TNS3: variants seen among roughly 807,000 people sequenced by gnomAD.
The protein encoded by TNS3 is tensin-3.
TNS3 carries 45 observed loss-of-function variants against 140.9 expected under a neutral mutation model. The observed-to-expected ratio is 0.32, with a 90% confidence interval of 0.25 to 0.41. The LOEUF is 0.41. Among genes scored for constraint, TNS3 ranks in the 10% least tolerant of loss-of-function variants. The probability of loss-of-function intolerance (pLI) is 1.00; values close to 1 mark genes in which losing one functional copy is unlikely to be tolerated. For missense variants in TNS3, 1,716 were observed against 1,906.7 expected (o/e 0.90, Z 1.86); for synonymous variants, 815 against 788.4 (o/e 1.03, Z -0.56).
intron 1 of TNS3, among the ~76,000 whole-genome samples, chr7:47,543,595 C>T (rs558698913): frequency 5.3e-4 from 81 of 152,366 alleles, no homozygotes; most frequent in Non-Finnish European, 9.3e-4. Flanking sequence ...GCTGGAGTTA[C>T]CCACTCGGGT....
Position 47,439,553 on chromosome 7 carries a change from C to A in TNS3, c.84G>T (p.Glu28Asp), listed in dbSNP as rs576630315. ...CCTCCTGTAGGTTGTGCAGGTAGGACTCCTCAGAGCAGCCGGCAGGGAAGG... is the reference window on the plus strand; with the variant it reads ...CCTCCTGTAGGTTGTGCAGGTAGGAATCCTCAGAGCAGCCGGCAGGGAAGG... ...AVSFPAGCSE[E>D]SYLHNLQEVT... The change falls in exon 6 of 31, where the codon GAG becomes GAT. Residue 28 changes from glutamate to aspartate, a missense_variant. Physicochemically the swap from Glu to Asp is conservative, Grantham distance 45. This residue lies in a region of TNS3 where 337 missense variants were observed against 428.9 expected (regional missense o/e 0.79). Coordinates refer to ENST00000311160, the MANE Select transcript of TNS3 (RefSeq NM_022748.12). 1 of 1,614,092 alleles carries A rather than the reference C, an allele frequency of 6.2e-7. No individual in the cohort carries two copies. The highest frequency in any genetic ancestry group is 1.7e-5 in the Admixed American group (1 of 60,016).
chr7:47,453,842 G>A (rs890405380), intron 4 of TNS3, among the ~76,000 whole-genome samples: 1 of 152,208 alleles, frequency 6.6e-6, no homozygotes, highest in Non-Finnish European at 1.5e-5. Context: ...GAGCTAAGAG[G>A]AAGGGTGGCC....
intron 17 of TNS3, among the ~76,000 whole-genome samples, chr7:47,353,724 C>A (rs1789816670): frequency 6.6e-6 from 1 of 152,160 alleles, no homozygotes; most frequent in African/African-American, 2.4e-5. Context: ...TGTCCCCTAG[C>A]CTCCCTCCTA....
intron 20 of TNS3, among the ~76,000 whole-genome samples, chr7:47,329,009 T>A (rs545140144): frequency 6.6e-6 from 1 of 152,192 alleles, no homozygotes; most frequent in Admixed American, 6.5e-5. Context: ...AAAACTCCTA[T>A]ACATTCTACA....
intron 8 of TNS3, among the ~76,000 whole-genome samples, chr7:47,431,399 C>T (rs1354761176): frequency 6.6e-6 from 1 of 152,046 alleles, no homozygotes; most frequent in Non-Finnish European, 1.5e-5. Context: ...TCAAGACCTT[C>T]CTGGCCAACA....
At position 47,277,353 on chromosome 7, in the gene TNS3, C is replaced by T. The variant is rs1294747092; in HGVS notation, c.*723G>A. 1 of 152,384 alleles carries T rather than the reference C, an allele frequency of 6.6e-6. No homozygotes were observed. Among genetic ancestry groups the T allele is most frequent in the South Asian group, 2.1e-4 (1 of 4,828 alleles). The allele number at this position is 152,384 out of a possible 1,614,324, so 9.4% of individuals were successfully genotyped here. On this transcript the variant is annotated 3_prime_UTR_variant, in exon 31 of 31. Coordinates refer to ENST00000311160, the MANE Select transcript of TNS3 (RefSeq NM_022748.12). ...CCTCTCGGTCCTCACAGGCTCTCCC[C>T]AGCCCAGCTCGCCCAGCTCGCCCAG...
intron 8 of TNS3, among the ~76,000 whole-genome samples, chr7:47,429,386 G>A (rs1794816517): frequency 6.6e-6 from 1 of 150,858 alleles, no homozygotes; most frequent in Non-Finnish European, 1.5e-5. Context: ...TTTTTTTGGA[G>A]ACGGAGTCTC....
intron 4 of TNS3, among the ~76,000 whole-genome samples, 165 bp downstream of exon 4, chr7:47,480,938 G>T (rs1797392010): frequency 6.6e-6 from 1 of 152,212 alleles, no homozygotes; most frequent in South Asian, 2.1e-4. Context: ...GTGCAGCATG[G>T]TCAAAGGACC....
chr7:47,295,758 TC>T (rs1785980109), intron 24 of TNS3, among the ~76,000 whole-genome samples: 1 of 152,084 alleles, frequency 6.6e-6, no homozygotes, highest in African/African-American at 2.4e-5. Flanking sequence ...CATCTATGTT[TC>T]CCGGAAACGC....
At chr7:47,335,289 T>C (rs1788571587) in intron 20 of TNS3, among the ~76,000 whole-genome samples, 1 of 152,192 alleles carries the variant, frequency 6.6e-6, no homozygotes, top group Non-Finnish European at 1.5e-5. Context: ...TGAAGCCTGG[T>C]TGGGCCCGTC....
rs560653191 is a variant in TNS3, at chr7:47,411,452, T to C, written c.723+275A>G. Among the ~76,000 whole-genome samples the C allele has an allele frequency of 2.6e-5, 4 of 152,258 alleles. No individual in the cohort carries two copies. In the South Asian group the frequency reaches 8.3e-4, roughly 32 times the overall value. The stretch of plus-strand genomic sequence containing the variant: ...ACACAGTTCACAATAGGGTTCGCAC[T>C]CTTATAAGAATCTCATGGCGCCGCT... On this transcript the variant is annotated intron_variant, in intron 13 of 30. Coordinates refer to ENST00000311160, the MANE Select transcript of TNS3 (RefSeq NM_022748.12).
chr7:47,424,722 C>T (rs114833254), intron 9 of TNS3, among the ~76,000 whole-genome samples: 392 of 152,296 alleles, frequency 2.6e-3, no homozygotes, highest in African/African-American at 8.9e-3. Context: ...GCCTGTGCCC[C>T]GCCAGTATGT....
intron 16 of TNS3, among the ~76,000 whole-genome samples, chr7:47,370,030 T>A (rs1028710714): frequency 6.6e-6 from 1 of 152,240 alleles, no homozygotes; most frequent in Non-Finnish European, 1.5e-5. Context: ...TTCATAGACC[T>A]GTCTAACATT....
chr7:47,308,250 C>T (rs1227637617), intron 20 of TNS3, among the ~76,000 whole-genome samples: 1 of 152,150 alleles, frequency 6.6e-6, no homozygotes, highest in African/African-American at 2.4e-5. Context: ...CCAAAATCAG[C>T]CAAATGTTAA....
intron 4 of TNS3, among the ~76,000 whole-genome samples, chr7:47,451,489 G>A (rs546455035): frequency 2.6e-5 from 4 of 152,250 alleles, no homozygotes; most frequent in African/African-American, 9.6e-5. Context: ...GCTAAGGCAG[G>A]AAAATCGCTC....
rs1461984148 is a variant in TNS3, at chr7:47,304,954, C to T, written c.2700G>A (p.Glu900=). 1.4e-6 allele frequency: 2 copies of T among 1,421,826 alleles called. No individual in the cohort carries two copies. Among genetic ancestry groups the T allele is most frequent in the Non-Finnish European group, 1.9e-6 (2 of 1,073,868 alleles). The allele number at this position is 1,421,826 out of a possible 1,614,324, so 88.1% of individuals were successfully genotyped here. A position where few individuals can be genotyped will look rare whatever the true frequency, so the allele number is the denominator to read the frequency against. Reference sequence around the variant, plus strand: ...TCGTGGATTTGGGTCCGATGGGGCTCTCTGACATCCCCACAGCGTGAGTGA... The same window carrying T: ...TCGTGGATTTGGGTCCGATGGGGCTTTCTGACATCCCCACAGCGTGAGTGA... ...ETLTHAVGMS[E]SPIGPKSTML... The change falls in exon 21 of 31, where the codon GAG becomes GAA. Residue 900 remains glutamate (E), a synonymous_variant. Coordinates refer to ENST00000311160, the MANE Select transcript of TNS3 (RefSeq NM_022748.12).
intron 2 of TNS3, among the ~76,000 whole-genome samples, chr7:47,523,206 C>CT (rs1003346331): frequency 1.3e-5 from 2 of 152,024 alleles, no homozygotes; most frequent in Admixed American, 6.5e-5. Flanking sequence ...TCTAGGGTCC[C>CT]TTTCATAAGG....
intron 17 of TNS3, among the ~76,000 whole-genome samples, chr7:47,367,303 T>G (rs1233967195): frequency 6.6e-6 from 1 of 152,228 alleles, no homozygotes; most frequent in Non-Finnish European, 1.5e-5. Context: ...CCTCTCTGCC[T>G]GCTGAGTGTT....
chr7:47,338,363 T>C (rs916528235), intron 20 of TNS3, among the ~76,000 whole-genome samples: 2 of 152,254 alleles, frequency 1.3e-5, no homozygotes, highest in African/African-American at 4.8e-5. Flanking sequence ...TATTGGATGT[T>C]GTCACTATTT....
Sources: allele counts gnomAD v4.1 joint callset (sites outside exome capture counted in the v4.1 genomes callset), GRCh38; gene constraint gnomAD v4.1.1; regional missense constraint gnomAD v4.1.1; transcripts MANE v1.5; gene names NCBI Gene and HGNC (gene_info 2026-07-23, HGNC 2026-07-21).